SNX13: variants seen among roughly 807,000 people sequenced by gnomAD.
The protein encoded by SNX13 is sorting nexin 13, also known as sorting nexin-13.
A neutral mutation model predicts 133.6 loss-of-function variants in SNX13; 45 were observed. The ratio of observed to expected loss-of-function variants is 0.34; its 90% CI spans 0.27 to 0.43. The LOEUF is 0.43. Ranked by LOEUF, SNX13 falls within the 20% of genes least tolerant of loss-of-function variation. The pLI is 1.00. For synonymous variants in SNX13, 414 were observed against 373.9 expected (o/e 1.11, Z -1.24); for missense variants, 1,032 against 1,145.1 (o/e 0.90, Z 1.43).
At chr7:17,923,942 G>C in intron 1 of SNX13, among the ~76,000 whole-genome samples, 1 of 152,098 alleles carries the variant, frequency 6.6e-6, no homozygotes, top group East Asian at 1.9e-4. Flanking sequence ...AGATATGATA[G>C]AATTCATCAA....
chr7:17,816,525 G>A (rs950475219), intron 18 of SNX13, among the ~76,000 whole-genome samples: 6 of 152,166 alleles, frequency 3.9e-5, no homozygotes, highest in African/African-American at 1.4e-4. Flanking sequence ...GCTGGGCATG[G>A]TGGCACATGC....
intron 5 of SNX13, among the ~76,000 whole-genome samples, chr7:17,876,359 T>A (rs2128356826): frequency 1.3e-5 from 2 of 152,276 alleles, no homozygotes; most frequent in Non-Finnish European, 2.9e-5. Context: ...GGCAGGAGGA[T>A]CACTTGAGTC....
intron 1 of SNX13, among the ~76,000 whole-genome samples, chr7:17,928,954 T>G (rs991533036): frequency 6.6e-6 from 1 of 151,978 alleles, no homozygotes; most frequent in Non-Finnish European, 1.5e-5. Flanking sequence ...ACCATTCTAT[T>G]TGTTACCCTT....
intron 11 of SNX13, among the ~76,000 whole-genome samples, chr7:17,846,192 TGA>T (rs1790501390): frequency 1.3e-5 from 2 of 151,442 alleles, no homozygotes; most frequent in Non-Finnish European, 2.9e-5. Flanking sequence ...CTCTAAACAG[TGA>T]ATTTCAGACA....
intron 1 of SNX13, among the ~76,000 whole-genome samples, chr7:17,925,208 C>T (rs1016122315): frequency 1.3e-5 from 2 of 151,934 alleles, no homozygotes; most frequent in Non-Finnish European, 2.9e-5. Flanking sequence ...AGTGAGACTC[C>T]GTCTCAAAAA....
chr7:17,850,968 A>C lies in SNX13; in HGVS notation c.838-4T>G. The C allele has an allele frequency of 6.3e-7, 1 of 1,597,662 alleles. No individual in the cohort carries two copies. Among genetic ancestry groups the C allele is most frequent in the South Asian group, 1.1e-5 (1 of 88,136 alleles). On this transcript the variant is annotated splice_polypyrimidine_tract_variant and splice_region_variant and intron_variant, in intron 9 of 25. Transcript: ENST00000428135. ...AGTTGCAGTTAGAATCACGGATCTGAAAACAAGTTTAAGAAAAACAGGTGG... is the reference window on the plus strand; with the variant it reads ...AGTTGCAGTTAGAATCACGGATCTGCAAACAAGTTTAAGAAAAACAGGTGG...
intron 20 of SNX13, among the ~76,000 whole-genome samples, chr7:17,807,395 C>G (rs886784317): frequency 6.6e-6 from 1 of 152,192 alleles, no homozygotes; most frequent in African/African-American, 2.4e-5. Context: ...CACAACTCAG[C>G]AAAGCCACTG....
At chr7:17,811,150 T>A (rs566727370) in intron 20 of SNX13, among the ~76,000 whole-genome samples, 26 of 152,234 alleles carry the variant, frequency 1.7e-4, no homozygotes, top group African/African-American at 6.3e-4. Flanking sequence ...ATGTCTGGCC[T>A]GGACAATCGG....
chr7:17,910,567 T>C (rs1044396638), intron 1 of SNX13, among the ~76,000 whole-genome samples: 1 of 152,140 alleles, frequency 6.6e-6, no homozygotes, highest in African/African-American at 2.4e-5. Flanking sequence ...CCTATGTACA[T>C]ACCCAAAATA....
intron 5 of SNX13, among the ~76,000 whole-genome samples, chr7:17,877,860 G>C (rs995107645): frequency 1.3e-5 from 2 of 151,794 alleles, no homozygotes; most frequent in African/African-American, 4.8e-5. Context: ...CCTTCTGCTT[G>C]ACTTATTTCC....
At chr7:17,812,133 C>G (rs1024543396) in intron 20 of SNX13, among the ~76,000 whole-genome samples, 1 of 152,006 alleles carries the variant, frequency 6.6e-6, no homozygotes, top group Non-Finnish European at 1.5e-5. Flanking sequence ...GCAACAAAAG[C>G]CAAAATTGAC....
At chr7:17,836,392 C>G (rs1182390657) in intron 13 of SNX13, among the ~76,000 whole-genome samples, 1 of 151,932 alleles carries the variant, frequency 6.6e-6, no homozygotes, top group African/African-American at 2.4e-5. Context: ...GGGTGCATGC[C>G]TACAATCCCA....
Position 17,799,074 on chromosome 7 carries a change from C to T in SNX13, c.2379G>A (p.Leu793=). 2 of 1,611,022 alleles carry T rather than the reference C, an allele frequency of 1.2e-6. No homozygotes were observed. Among genetic ancestry groups the T allele is most frequent in the Non-Finnish European group, 8.5e-7 (1 of 1,178,090 alleles). Residue 793 remains leucine, a synonymous_variant, in exon 23 of 26, where the codon TTG becomes TTA. Transcript: ENST00000428135. Reference sequence around the variant, plus strand: ...GAAGTAGGTTTTTGATATTCCTTCGCAACCACTGATTTCTTTCTTTTAAGT... The same window carrying T: ...GAAGTAGGTTTTTGATATTCCTTCGTAACCACTGATTTCTTTCTTTTAAGT... The part of the protein sequence containing the change: ...VFDLKERNQW[L]RRNIKNLLQQ...
In SNX13 at chr7:17,798,990, G is replaced by A. The variant is rs947059840; in HGVS notation, c.2444+19C>T. The A allele has an allele frequency of 2.6e-5, 42 of 1,600,706 alleles. 1 individual carries two copies. The highest frequency in any genetic ancestry group is 3.6e-5 in the Non-Finnish European group (42 of 1,173,952). On this transcript the variant is annotated intron_variant, in intron 23 of 25. Transcript: ENST00000428135. ...AGCTAAGTAAGATCAGATTAAAAGCGAGGAGGAAAGAGTGCTACCTATTAA... is the reference window on the plus strand; with the variant it reads ...AGCTAAGTAAGATCAGATTAAAAGCAAGGAGGAAAGAGTGCTACCTATTAA...
intron 9 of SNX13, among the ~76,000 whole-genome samples, chr7:17,860,311 T>C (rs1343105327): frequency 6.6e-6 from 1 of 152,192 alleles, no homozygotes; most frequent in East Asian, 1.9e-4. Context: ...TACACTATTT[T>C]GCACATTTTT....
intron 18 of SNX13, among the ~76,000 whole-genome samples, chr7:17,821,155 A>G (rs1174258470): frequency 6.6e-6 from 1 of 152,216 alleles, no homozygotes; most frequent in Non-Finnish European, 1.5e-5. Context: ...CAAAAACAAA[A>G]GCACAAAATG....
intron 20 of SNX13, among the ~76,000 whole-genome samples, chr7:17,809,256 G>A (rs1785692142): frequency 8.8e-6 from 1 of 114,240 alleles, no homozygotes; most frequent in South Asian, 3.3e-4. Context: ...AAGGGATGGA[G>A]GAATATTTAC....
At chr7:17,856,777 GACTC>G (rs1791937401) in intron 9 of SNX13, among the ~76,000 whole-genome samples, 1 of 119,564 alleles carries the variant, frequency 8.4e-6, no homozygotes, top group South Asian at 2.9e-4. Context: ...GACAGAGTGA[GACTC>G]TCTTAAAAAA....
At chr7:17,922,710 AGG>A (rs1322766004) in intron 1 of SNX13, among the ~76,000 whole-genome samples, 3 of 152,154 alleles carry the variant, frequency 2.0e-5, no homozygotes, top group Non-Finnish European at 4.4e-5. Flanking sequence ...GCAGAAAGAA[AGG>A]GAGAAGATTT....
Sources: gnomAD v4.1 joint callset for allele counts (sites outside exome capture counted in the v4.1 genomes callset) on GRCh38, gnomAD v4.1.1 for gene constraint, MANE v1.5 for transcripts, NCBI Gene and HGNC (gene_info 2026-07-23, HGNC 2026-07-21) for gene names.